IL2RB: variants seen among roughly 807,000 people sequenced by gnomAD.
IL2RB encodes the protein interleukin 2 receptor subunit beta.
In IL2RB, 17 loss-of-function variants were observed where a neutral mutation model predicts 44.2. That is an observed-to-expected ratio of 0.38 (90% confidence interval 0.26 to 0.58). The LOEUF (loss-of-function observed/expected upper bound fraction) is 0.58, where lower values mean the gene tolerates loss of function less well. Among genes scored for constraint, IL2RB ranks in the 20% least tolerant of loss-of-function variants. The pLI is 0.63. For missense variants in IL2RB, 624 were observed against 685.5 expected, an observed-to-expected ratio of 0.91 and a Z score of 1.00; for synonymous variants, 286 against 297.9, an observed-to-expected ratio of 0.96 and a Z score of 0.41.
intron 3 of IL2RB, among the ~76,000 whole-genome samples, chr22:37,143,132 G>GTTT (rs1161107742): frequency 3.3e-5 from 5 of 152,106 alleles, no homozygotes; most frequent in African/African-American, 1.2e-4. Context: ...GCTGCCTACA[G>GTTT]GGTCTCTCAA....
chr22:37,154,284 G>A (rs537364626), upstream of IL2RB, among the ~76,000 whole-genome samples: 2 of 152,304 alleles, frequency 1.3e-5, no homozygotes, highest in Admixed American at 6.5e-5. Flanking sequence ...GGCAGGGAGG[G>A]GGCTACGCAG....
upstream of IL2RB, among the ~76,000 whole-genome samples, chr22:37,152,543 A>G (rs1454114482): frequency 6.6e-6 from 1 of 152,146 alleles, no homozygotes; most frequent in Non-Finnish European, 1.5e-5. Flanking sequence ...TTCCTTTCCA[A>G]TTTGGATGCC....
In IL2RB at chr22:37,173,324, C is replaced by T. The variant is rs141063532; in HGVS notation, c.-34+1634G>A. On this transcript the variant is annotated intron_variant, in intron 1 of 5. Transcript: ENST00000429622. Reference sequence around the variant, plus strand: ...CTCTCTCCCCTATTAGACTGGAAGCCGCATGAGGGCAGGGACCATGTGGGG... The same window carrying T: ...CTCTCTCCCCTATTAGACTGGAAGCTGCATGAGGGCAGGGACCATGTGGGG... 1.9e-3 allele frequency among the ~76,000 whole-genome samples: 289 copies of T among 152,260 alleles called. 1 individual carries two copies. Among genetic ancestry groups the T allele is most frequent in the African/African-American group, 5.7e-3 (237 of 41,550 alleles).
Position 37,142,494 on chromosome 22 carries a change from A to G in IL2RB, c.222T>C (p.Cys74=), listed in dbSNP as rs1345109037. ...ATGCTTGACTCACGGGGAGCAGCTC[A>G]CAGGTTTGGTTCCACCGCCTTTCAT... ...WPDRRRWNQT[C]ELLPVSQASW... The change falls in exon 4 of 10, where the codon TGT becomes TGC. Residue 74 remains cysteine (C), a synonymous_variant. Transcript: ENST00000216223. 6.2e-7 allele frequency: 1 copy of G among 1,614,168 alleles called. No homozygotes were observed. The highest frequency in any genetic ancestry group is 1.3e-5 in the African/African-American group (1 of 75,056).
intron 5 of IL2RB, 152 bp downstream of exon 5, chr22:37,138,965 G>A (rs1220751966): frequency 8.3e-6 from 5 of 603,736 alleles, no homozygotes; most frequent in Admixed American, 2.7e-5. Flanking sequence ...AAGGAGCCAG[G>A]ACGTCATCCC....
At chr22:37,165,631 G>A (rs950134854) in intron 1 of IL2RB, among the ~76,000 whole-genome samples, 1 of 152,166 alleles carries the variant, frequency 6.6e-6, no homozygotes, top group Non-Finnish European at 1.5e-5. Context: ...ATGCTCCTGG[G>A]CAGCTGCCTC....
intron 1 of IL2RB, among the ~76,000 whole-genome samples, chr22:37,164,064 G>A (rs55989130): frequency 0.04 from 6,159 of 152,318 alleles, 170 homozygotes; most frequent in South Asian, 0.093. Flanking sequence ...CAGCCCAGAG[G>A]CCATCACCTG....
intron 1 of IL2RB, among the ~76,000 whole-genome samples, chr22:37,168,562 C>A (rs1923156377): frequency 6.6e-6 from 1 of 152,208 alleles, no homozygotes; most frequent in Non-Finnish European, 1.5e-5. Flanking sequence ...TGCGACTACT[C>A]CCCACCTCTT....
intron 1 of IL2RB, among the ~76,000 whole-genome samples, chr22:37,147,855 C>G (rs1387390748): frequency 3.9e-5 from 6 of 152,234 alleles, no homozygotes; most frequent in Admixed American, 6.5e-5. Context: ...TAGCAGAGGG[C>G]ACAGGGTTGG....
chr22:37,173,735 A>T (rs1281452253), intron 1 of IL2RB, among the ~76,000 whole-genome samples: 2 of 151,998 alleles, frequency 1.3e-5, no homozygotes, highest in African/African-American at 4.8e-5. Context: ...AGCATTAACC[A>T]CACACTAAAC....
At chr22:37,137,020 T>A (rs985612615) in intron 6 of IL2RB, among the ~76,000 whole-genome samples, 11 of 152,152 alleles carry the variant, frequency 7.2e-5, no homozygotes, top group Admixed American at 5.2e-4. Flanking sequence ...ATGGAACTTA[T>A]CACTATCCGG....
At chr22:37,145,549 C>T (rs1422416064) in intron 1 of IL2RB, among the ~76,000 whole-genome samples, 1 of 152,076 alleles carries the variant, frequency 6.6e-6, no homozygotes, top group African/African-American at 2.4e-5. Flanking sequence ...GCTGCCCCCA[C>T]CCTCTGCAGG....
At chr22:37,174,107 T>G (rs918431934) in intron 1 of IL2RB, among the ~76,000 whole-genome samples, 2 of 151,984 alleles carry the variant, frequency 1.3e-5, no homozygotes, top group African/African-American at 4.8e-5. Flanking sequence ...TTCCCCGAGG[T>G]TGGGTTAGGT....
intron 1 of IL2RB, among the ~76,000 whole-genome samples, chr22:37,171,171 C>T (rs966710112): frequency 2.6e-5 from 4 of 152,166 alleles, no homozygotes; most frequent in African/African-American, 9.7e-5. Flanking sequence ...TTAGTAAAGA[C>T]AGGGTTTCAC....
Position 37,127,880 on chromosome 22 carries a change from G to T in IL2RB, c.*216C>A. The T allele has an allele frequency of 2.4e-6, 1 of 408,446 alleles. No individual in the cohort carries two copies. The allele number at this position is 408,446 out of a possible 1,614,324, so 25.3% of individuals were successfully genotyped here. A position where few individuals can be genotyped will look rare whatever the true frequency, so the allele number is the denominator to read the frequency against. On this transcript the variant is annotated 3_prime_UTR_variant, in exon 10 of 10. Transcript: ENST00000216223. ...TTACTGCCCCCCTGCAACACACACA[G>T]TTCCTGGCTCGGGCAGCAGGACCCG... is the stretch of plus-strand genomic sequence containing the variant.
At chr22:37,129,257 C>A (rs908267538) in intron 9 of IL2RB, among the ~76,000 whole-genome samples, 18 of 152,230 alleles carry the variant, frequency 1.2e-4, no homozygotes, top group African/African-American at 4.1e-4. Flanking sequence ...TCCACCCATG[C>A]CAAAGCAGAA....
At chr22:37,168,716 C>T (rs1569055849) in intron 1 of IL2RB, among the ~76,000 whole-genome samples, 2 of 152,064 alleles carry the variant, frequency 1.3e-5, no homozygotes, top group African/African-American at 2.4e-5. Flanking sequence ...CGGAATGGGT[C>T]GAGAGAAAGG....
intron 5 of IL2RB, among the ~76,000 whole-genome samples, chr22:37,138,577 G>T (rs1921815471): frequency 3.3e-5 from 5 of 152,240 alleles, no homozygotes; most frequent in Admixed American, 3.3e-4. Flanking sequence ...TGGGTGCGTG[G>T]CAAGGAGACA....
chr22:37,144,287 C>A, intron 1 of IL2RB, 82 bp from the exon 2 acceptor site: 1 of 1,457,230 alleles, frequency 6.9e-7, no homozygotes, highest in Non-Finnish European at 9.1e-7. Context: ...TGGGCCCGCC[C>A]CCTCAGTGTG....
Sources: allele counts gnomAD v4.1 joint callset (sites outside exome capture counted in the v4.1 genomes callset), GRCh38; gene constraint gnomAD v4.1.1; transcripts MANE v1.5; gene names NCBI Gene and HGNC (gene_info 2026-07-23, HGNC 2026-07-21).